The following DOK7 variants were observed in gnomAD, a reference collection of about 807,000 sequenced individuals.
The protein encoded by DOK7 is protein Dok-7.
In DOK7, 32 loss-of-function variants were observed where a neutral mutation model predicts 30.7. The ratio of observed to expected loss-of-function variants is 1.04; its 90% confidence interval spans 0.79 to 1.40. The LOEUF (loss-of-function observed/expected upper bound fraction) is 1.40, where lower values mean the gene tolerates loss of function less well. Ranked by LOEUF, DOK7 falls within the 40% of genes most tolerant of loss-of-function variation. The probability of loss-of-function intolerance (pLI) is 0.00; values close to 1 mark genes in which losing one functional copy is unlikely to be tolerated. For synonymous variants in DOK7, 447 were observed against 324.1 expected, an observed-to-expected ratio of 1.38 and a Z score of -4.07; for missense variants, 1,007 against 699.2, an observed-to-expected ratio of 1.44 and a Z score of -4.97.
At chr4:3,489,996 C>CTCATTCCTTCCTTCTCCTCCTGCTCAT (rs1475897707) in intron 6 of DOK7, among the ~76,000 whole-genome samples, 200 bp downstream of exon 6, 8 of 142,420 alleles carry the variant, frequency 5.6e-5, no homozygotes, top group Non-Finnish European at 1.1e-4. Flanking sequence ...CACCACCCTG[C>CTCATTCCTTCCTTCTCCTCCTGCTCAT]TCATTCCTTC....
chr4:3,494,548 T>C, downstream of DOK7: 1 of 983,460 alleles, frequency 1.0e-6, no homozygotes, highest in Non-Finnish European at 1.2e-6. Context: ...GTGGGGCCTC[T>C]GCCTGGATGC....
intron 4 of DOK7, among the ~76,000 whole-genome samples, chr4:3,481,609 G>A (rs149664019): frequency 6.6e-6 from 1 of 152,194 alleles, no homozygotes; most frequent in Non-Finnish European, 1.5e-5. Context: ...GGATGGAGAG[G>A]GCTGAGGGTC....
chr4:3,471,698 GTT>G (rs1726777847), intron 2 of DOK7, among the ~76,000 whole-genome samples: 1 of 152,248 alleles, frequency 6.6e-6, no homozygotes, highest in South Asian at 2.1e-4. Context: ...ACGCCGCTGT[GTT>G]TGATTTCTCT....
rs1404904748 is a variant in DOK7, at chr4:3,473,429, A to G, written c.124A>G (p.Lys42Glu). The part of the protein sequence containing the change: ...VADCLLMLVY[K>E]DKSERIKGLR... ...AGACTGCCTGCTGATGCTGGTCTAC[A>G]AGGACAAGTCGGAGCGTATCAAGGG... is the stretch of plus-strand genomic sequence containing the variant. Residue 42 changes from lysine (K) to glutamate (E), a missense_variant, in exon 3 of 7, where the codon AAG (lysine) becomes GAG (glutamate). Coordinates refer to ENST00000340083, the MANE Select transcript of DOK7 (RefSeq NM_173660.5). 1.9e-6 allele frequency: 3 copies of G among 1,610,994 alleles called. No homozygotes were observed. The highest frequency in any genetic ancestry group is 1.1e-5 in the South Asian group (1 of 90,990).
intron 4 of DOK7, among the ~76,000 whole-genome samples, chr4:3,482,153 AC>A (rs912380107): frequency 1.3e-5 from 2 of 151,186 alleles, no homozygotes; most frequent in African/African-American, 4.9e-5. Context: ...TGCCCTTTTC[AC>A]CCCCCTCCAC....
chr4:3,476,167 TCGCCCCGCC>T (rs1727046691), intron 3 of DOK7, among the ~76,000 whole-genome samples, 166 bp from the exon 4 acceptor site: 1 of 104,746 alleles, frequency 9.5e-6, no homozygotes, highest in African/African-American at 3.6e-5. Flanking sequence ...TGATGCCCTC[TCGCCCCGCC>T]CACCCTCGAT....
chr4:3,500,461 G>A lies in DOK7; in HGVS notation c.1261+58G>A, dbSNP rs555759483. 3.9e-6 allele frequency: 6 copies of A among 1,525,110 alleles called. No individual in the cohort carries two copies. In the African/African-American group the frequency reaches 5.5e-5, roughly 14 times the overall value. 94.5% of individuals were successfully genotyped at this position (1,525,110 alleles called of 1,614,324 possible). A position where few individuals can be genotyped will look rare whatever the true frequency, so the allele number is the denominator to read the frequency against. On this transcript the variant is annotated intron_variant, in intron 7 of 7. Transcript: ENST00000643608. ...ATTGGGGGCTGGGACCACAGCCTCAGGGCCCTGAGCCCCCAGCCCCACCCA... is the reference window on the plus strand; with the variant it reads ...ATTGGGGGCTGGGACCACAGCCTCAAGGCCCTGAGCCCCCAGCCCCACCCA...
chr4:3,481,323 AGAT>A (rs758766486), intron 4 of DOK7, among the ~76,000 whole-genome samples: 8 of 152,044 alleles, frequency 5.3e-5, no homozygotes, highest in Non-Finnish European at 1.2e-4. Flanking sequence ...GAGGTCCAGA[AGAT>A]GGAGGGCGAG....
Position 3,493,227 on chromosome 4 carries a change from C to A in DOK7, c.1241C>A (p.Ala414Asp). The change falls in exon 7 of 7, where the codon GCT (alanine) becomes GAT (aspartate). Residue 414 changes from alanine to aspartate, a missense_variant. Transcript: ENST00000340083. The part of the protein sequence containing the change: ...HYDTPRSLCL[A>D]PRDHSPPSQG... ...GACACACCACGCAGCCTTTGCCTGG[C>A]TCCTAGAGACCACAGCCCCCCCTCA... 1 of 1,612,052 alleles carries A rather than the reference C, an allele frequency of 6.2e-7. No individual in the cohort carries two copies. Among genetic ancestry groups the A allele is most frequent in the Non-Finnish European group, 8.5e-7 (1 of 1,179,696 alleles).
Position 3,494,451 on chromosome 4 carries a change from T to TAA in DOK7, c.*951_*952dup. The TAA allele has an allele frequency of 1.0e-6, 1 of 985,434 alleles. No individual in the cohort carries two copies. Among genetic ancestry groups the TAA allele is most frequent in the South Asian group, 4.7e-5 (1 of 21,296 alleles). The allele number at this position is 985,434 out of a possible 1,614,324, so 61.0% of individuals were successfully genotyped here. On this transcript the variant is annotated 3_prime_UTR_variant, in exon 7 of 7. Coordinates refer to ENST00000340083, the MANE Select transcript of DOK7 (RefSeq NM_173660.5). ...TGTTTCTAAACCCAGACACTGTTTGTAATAGACTGGAAATAAAATGTTCTT... is the reference window on the plus strand; with the variant it reads ...TGTTTCTAAACCCAGACACTGTTTGTAAAATAGACTGGAAATAAAATGTTCTT...
At chr4:3,476,302 C>CACCCGCCCG (rs773736715) in intron 3 of DOK7, 40 bp from the exon 4 acceptor site, 2 of 1,532,138 alleles carry the variant, frequency 1.3e-6, no homozygotes, top group African/African-American at 3.2e-5. Context: ...TCCTCTCACC[C>CACCCGCCCG]TGCCCGCCCG....
At chr4:3,473,689 G>A in intron 3 of DOK7, 53 bp downstream of exon 3, 1 of 1,483,220 alleles carries the variant, frequency 6.7e-7, no homozygotes, top group East Asian at 2.5e-5. Flanking sequence ...GGTGTGCCGG[G>A]GCCCCTCACC....
rs954819902 is a variant in DOK7 at position 3,473,333 on chromosome 4, G to A, written c.101-73G>A. The A allele has an allele frequency of 2.9e-5, 44 of 1,493,794 alleles. 2 individuals are homozygous for A. In the South Asian group the frequency reaches 4.7e-4, roughly 16 times the overall value. The allele number at this position is 1,493,794 out of a possible 1,614,324, so 92.5% of individuals were successfully genotyped here. ...CCAGCCCGGGTCTCTGCACTGTCAC[G>A]GCCTCCCCGGGGACGCCAAGGGTGC... On this transcript the variant is annotated intron_variant, in intron 2 of 6. Transcript: ENST00000340083.
intron 4 of DOK7, among the ~76,000 whole-genome samples, chr4:3,480,505 G>A (rs1380161012): frequency 1.3e-5 from 2 of 152,222 alleles, no homozygotes; most frequent in Non-Finnish European, 2.9e-5. Context: ...CTACTCCAGA[G>A]GCTGAGGTGG....
intron 5 of DOK7, among the ~76,000 whole-genome samples, chr4:3,486,249 A>T (rs1371617017): frequency 6.6e-6 from 1 of 152,030 alleles, no homozygotes; most frequent in Non-Finnish European, 1.5e-5. Context: ...ATGTTGCTGG[A>T]CCCCAGAGGG....
At chr4:3,492,705 C>T in intron 6 of DOK7, 54 bp from the exon 7 acceptor site, 2 of 1,597,116 alleles carry the variant, frequency 1.3e-6, no homozygotes, top group Non-Finnish European at 1.7e-6. Context: ...TCAGCCACGT[C>T]CTGCCCAGAC....
intron 4 of DOK7, among the ~76,000 whole-genome samples, chr4:3,481,094 G>T (rs1200598872): frequency 6.6e-6 from 1 of 151,948 alleles, no homozygotes; most frequent in East Asian, 1.9e-4. Context: ...CCCTGTTGGG[G>T]GGGATAGGAG....
downstream of DOK7, among the ~76,000 whole-genome samples, chr4:3,496,258 G>A (rs979590959): frequency 4.6e-5 from 7 of 152,342 alleles, no homozygotes; most frequent in South Asian, 1.2e-3. Flanking sequence ...CCCAGGAGAA[G>A]GTCGCCTGCA....
intron 5 of DOK7, 86 bp downstream of exon 5, chr4:3,485,744 A>G: frequency 1.5e-6 from 2 of 1,364,888 alleles, no homozygotes; most frequent in South Asian, 1.8e-5. Flanking sequence ...GTGATTTGTC[A>G]GCCCCAGTTA....
Sources: gnomAD v4.1 joint callset for allele counts (sites outside exome capture counted in the v4.1 genomes callset) on GRCh38, gnomAD v4.1.1 for gene constraint, MANE v1.5 for transcripts, NCBI Gene and HGNC (gene_info 2026-07-23, HGNC 2026-07-21) for gene names.